The following TADA1 variants were observed in gnomAD, a reference collection of about 807,000 sequenced individuals.
TADA1 encodes the protein transcriptional adaptor 1, also known as transcriptional adapter 1.
A neutral mutation model predicts 39.3 loss-of-function variants in TADA1; 23 were observed. The observed-to-expected ratio is 0.58, with a 90% confidence interval of 0.42 to 0.83. The LOEUF is 0.83. Among genes scored for constraint, TADA1 ranks in the 40% least tolerant of loss-of-function variants. TADA1 has a pLI of 0.00. For missense variants in TADA1, 352 were observed against 408.1 expected (o/e 0.86, Z 1.18); for synonymous variants, 137 against 151.8 (o/e 0.90, Z 0.72).
At chr1:166,860,007 G>A (rs1285386127) in intron 6 of TADA1, among the ~76,000 whole-genome samples, 179 bp downstream of exon 6, 3 of 152,096 alleles carry the variant, frequency 2.0e-5, no homozygotes, top group African/African-American at 7.2e-5. Flanking sequence ...CTCATAAAAG[G>A]AGTACCAAAA....
intron 3 of TADA1, among the ~76,000 whole-genome samples, chr1:166,866,960 G>A (rs1156616267): frequency 6.6e-6 from 1 of 152,074 alleles, no homozygotes; most frequent in African/African-American, 2.4e-5. Context: ...GGCCAGGCTG[G>A]TCTTGAACTC....
chr1:166,873,036 A>G (rs1658688821), intron 1 of TADA1, among the ~76,000 whole-genome samples: 1 of 152,110 alleles, frequency 6.6e-6, no homozygotes, highest in Non-Finnish European at 1.5e-5. Flanking sequence ...TGGGAGCCCA[A>G]GGGGGATGTG....
chr1:166,861,285 T>G (rs757951692), intron 5 of TADA1, among the ~76,000 whole-genome samples: 1 of 152,214 alleles, frequency 6.6e-6, no homozygotes, highest in Non-Finnish European at 1.5e-5. Flanking sequence ...GAAAATCCAC[T>G]TATATCAAGA....
intron 6 of TADA1, among the ~76,000 whole-genome samples, chr1:166,858,907 C>G (rs916324392): frequency 6.6e-6 from 1 of 152,210 alleles, no homozygotes; most frequent in South Asian, 2.1e-4. Flanking sequence ...GTTAGAGTAA[C>G]AAGTGGCCAA....
At position 166,857,683 on chromosome 1, in the gene TADA1, C is replaced by T; in HGVS notation, c.892G>A (p.Ala298Thr). The change falls in exon 8 of 8, where the codon GCT becomes ACT. Residue 298 changes from alanine (A) to threonine (T), a missense_variant. Ala to Thr is a moderately conservative substitution (Grantham distance 58). Around this residue, in one of 3 missense-constraint regions of TADA1, gnomAD observed 285 missense variants for 310.9 expected, o/e 0.92. Transcript: ENST00000367874. ...GTGATGATCCTTTCAATGTTAAGAG[C>T]ATAGACAGTATGTGTAGGGATGACT... ...REVIPTHTVY[A>T]LNIERIITKL... 1 of 1,614,152 alleles carries T rather than the reference C, an allele frequency of 6.2e-7. No individual in the cohort carries two copies. Among genetic ancestry groups the T allele is most frequent in the Non-Finnish European group, 8.5e-7 (1 of 1,180,030 alleles).
rs2101783328 is a variant in TADA1, at chr1:166,856,582, T to C, written c.*985A>G. ...TACACAGATCCAGATATGTGAACCA[T>C]ATATACATATCTATACAACCATTAT... On this transcript the variant is annotated 3_prime_UTR_variant, in exon 8 of 8. Transcript: ENST00000367874. 6.5e-6 allele frequency: 1 copy of C among 152,756 alleles called. No homozygotes were observed. The allele number at this position is 152,756 out of a possible 1,614,324, so 9.5% of individuals were successfully genotyped here.
At chr1:166,863,703 T>C in intron 4 of TADA1, 121 bp downstream of exon 4, 1 of 902,170 alleles carries the variant, frequency 1.1e-6, no homozygotes, top group Non-Finnish European at 1.7e-6. Context: ...TCTTCCCAAA[T>C]CATACTCCTT....
chr1:166,857,780 A>G, intron 7 of TADA1, 61 bp from the exon 8 acceptor site: 2 of 1,567,188 alleles, frequency 1.3e-6, no homozygotes, highest in Non-Finnish European at 1.7e-6. Flanking sequence ...TTTCTGACAT[A>G]TAAAAGGGTT....
chr1:166,860,735 T>A (rs1258611285), intron 5 of TADA1, among the ~76,000 whole-genome samples: 1 of 152,200 alleles, frequency 6.6e-6, no homozygotes, highest in Non-Finnish European at 1.5e-5. Context: ...AATAGCACGA[T>A]CTCAGCTCAC....
chr1:166,873,518 A>G (rs1658699987), intron 1 of TADA1, among the ~76,000 whole-genome samples: 1 of 152,172 alleles, frequency 6.6e-6, no homozygotes, highest in African/African-American at 2.4e-5. Flanking sequence ...TGTTTTGCCT[A>G]CCACCGAGGA....
chr1:166,861,217 A>C (rs1425453968), intron 5 of TADA1, among the ~76,000 whole-genome samples: 1 of 152,226 alleles, frequency 6.6e-6, no homozygotes, highest in Non-Finnish European at 1.5e-5. Context: ...AACTCGTCCC[A>C]GGCTACCATT....
chr1:166,864,848 G>A (rs543427402), intron 3 of TADA1, among the ~76,000 whole-genome samples: 6 of 152,064 alleles, frequency 3.9e-5, no homozygotes, highest in East Asian at 1.9e-4. Flanking sequence ...TAGTTAAACC[G>A]AACACAATTT....
intron 5 of TADA1, among the ~76,000 whole-genome samples, chr1:166,861,458 C>T (rs1020988416): frequency 6.6e-6 from 1 of 152,154 alleles, no homozygotes; most frequent in Non-Finnish European, 1.5e-5. Flanking sequence ...TAGACCCCAT[C>T]AAATTAGTTT....
In TADA1 at chr1:166,860,249, C is replaced by T. The variant is rs148608601; in HGVS notation, c.629G>A (p.Ser210Asn). The change falls in exon 6 of 8, where the codon AGT becomes AAT. Residue 210 changes from serine to asparagine, a missense_variant. By Grantham distance (46) the Ser-to-Asn change is conservative. Transcript: ENST00000367874. ...CAGGTATGGCTGCGGGGTCACGTTA[C>T]TGCCAAAGGCATATTTAAAATGACC... is the stretch of plus-strand genomic sequence containing the variant. ...RDGHFKYAFGSNVTPQPYLKN... is the reference protein window; with the variant it reads ...RDGHFKYAFGNNVTPQPYLKN... 9.9e-6 allele frequency: 16 copies of T among 1,613,978 alleles called. No homozygotes were observed. The African/African-American group carries it at 1.2e-4, about 12-fold the overall frequency.
At chr1:166,858,471 AT>A (rs1658334940) in intron 6 of TADA1, among the ~76,000 whole-genome samples, 190 bp from the exon 7 acceptor site, 1 of 152,208 alleles carries the variant, frequency 6.6e-6, no homozygotes, top group African/African-American at 2.4e-5. Flanking sequence ...TAATACAACT[AT>A]ATTTACCCTC....
chr1:166,871,785 T>C (rs1658666340), intron 1 of TADA1, among the ~76,000 whole-genome samples: 2 of 151,992 alleles, frequency 1.3e-5, no homozygotes, highest in South Asian at 4.2e-4. Flanking sequence ...AAAATAAAGC[T>C]CCACAGAAAA....
chr1:166,870,570 G>A (rs1260822942), intron 1 of TADA1, among the ~76,000 whole-genome samples: 2 of 152,246 alleles, frequency 1.3e-5, no homozygotes, highest in East Asian at 1.9e-4. Context: ...GCTCATGCCT[G>A]TAGTCCCAGC....
chr1:166,857,806 TAC>T (rs761576115), intron 7 of TADA1, 87 bp from the exon 8 acceptor site: 1 of 1,402,328 alleles, frequency 7.1e-7, no homozygotes, highest in Non-Finnish European at 9.8e-7. Flanking sequence ...CAACAAAACA[TAC>T]ACACAATCTA....
At position 166,872,826 on chromosome 1, in the gene TADA1, C is replaced by T. The variant is rs535740267; in HGVS notation, c.75-2972G>A. Among the ~76,000 whole-genome samples, 5 of 152,168 alleles carry T rather than the reference C, an allele frequency of 3.3e-5. 1 individual carries two copies. Among genetic ancestry groups the T allele is most frequent in the Admixed American group, 6.5e-5 (1 of 15,280 alleles). On this transcript the variant is annotated intron_variant, in intron 1 of 7. Coordinates refer to ENST00000367874, the MANE Select transcript of TADA1 (RefSeq NM_053053.4). ...CCAAACTAACTTCTTTATAAATTAC[C>T]CAGCCTCAACTATTCCTTTATAGCA... is the stretch of plus-strand genomic sequence containing the variant.
Sources: allele counts gnomAD v4.1 joint callset (sites outside exome capture counted in the v4.1 genomes callset), GRCh38; gene constraint gnomAD v4.1.1; regional missense constraint gnomAD v4.1.1; transcripts MANE v1.5; gene names NCBI Gene and HGNC (gene_info 2026-07-23, HGNC 2026-07-21).